PAH: variants seen among roughly 807,000 people sequenced by gnomAD.
The protein encoded by PAH is phenylalanine-4-hydroxylase.
PAH carries 64 observed loss-of-function variants against 62.0 expected under a neutral mutation model. The observed-to-expected ratio is 1.03, with a 90% confidence interval of 0.84 to 1.27. PAH has a LOEUF of 1.27. PAH is among the 50% of genes most tolerant of loss of function. The pLI, the probability that PAH is intolerant of heterozygous loss-of-function variation, is 0.00. For missense variants in PAH, 579 were observed against 542.8 expected, an observed-to-expected ratio of 1.07 and a Z score of -0.66; for synonymous variants, 195 against 196.2, an observed-to-expected ratio of 0.99 and a Z score of 0.05.
intron 1 of PAH, among the ~76,000 whole-genome samples, chr12:102,947,870 A>G (rs1430621040): frequency 6.6e-6 from 1 of 152,168 alleles, no homozygotes. Context: ...GTGGACCCAG[A>G]CTACAGTTCC....
At chr12:102,918,398 G>A (rs1878464540), upstream of PAH, among the ~76,000 whole-genome samples, 1 of 152,056 alleles carries the variant, frequency 6.6e-6, no homozygotes, top group Admixed American at 6.5e-5. Flanking sequence ...AATAAAGGTT[G>A]CTGGAAGCCC....
At chr12:102,920,187 T>C (rs750502906), upstream of PAH, among the ~76,000 whole-genome samples, 1 of 152,262 alleles carries the variant, frequency 6.6e-6, no homozygotes, top group Non-Finnish European at 1.5e-5. Context: ...AAAATTTATT[T>C]ATGCACTAAG....
chr12:102,856,520 C>T (rs7488937), intron 5 of PAH, among the ~76,000 whole-genome samples: 22,632 of 152,180 alleles, frequency 0.15, 2,091 homozygotes, highest in Admixed American at 0.32. Context: ...GATCTGAGAA[C>T]GTACAGACTG....
At chr12:102,892,743 T>A (rs546341219) in intron 3 of PAH, among the ~76,000 whole-genome samples, 28 of 152,194 alleles carry the variant, frequency 1.8e-4, no homozygotes, top group African/African-American at 6.7e-4. Context: ...AAAGCAAAAC[T>A]ATGGAGCTAG....
chr12:102,947,082 T>C (rs1879527767), intron 1 of PAH, among the ~76,000 whole-genome samples: 1 of 152,204 alleles, frequency 6.6e-6, no homozygotes. Flanking sequence ...AAAGCAATGA[T>C]ATAGTAATAG....
intron 3 of PAH, among the ~76,000 whole-genome samples, chr12:102,883,772 G>C (rs1199491445): frequency 1.3e-5 from 2 of 152,138 alleles, no homozygotes; most frequent in Non-Finnish European, 2.9e-5. Flanking sequence ...ACACAGCCAG[G>C]CCAGAGAAGT....
chr12:102,932,006 T>C (rs1483039971), intron 1 of PAH, among the ~76,000 whole-genome samples: 1 of 152,124 alleles, frequency 6.6e-6, no homozygotes, highest in Non-Finnish European at 1.5e-5. Flanking sequence ...TGAATGGCGG[T>C]GTGTGTGCTG....
chr12:102,852,711 T>TGTTTGC, intron 7 of PAH, 104 bp downstream of exon 7: 1 of 1,392,240 alleles, frequency 7.2e-7, no homozygotes, highest in Non-Finnish European at 1.0e-6. Context: ...TCTAGACAAC[T>TGTTTGC]AGTCCTGTGG....
rs1013968856 is a variant in PAH, at chr12:102,846,912, T to C, written c.952A>G (p.Ile318Val). 1 of 1,613,682 alleles carries C rather than the reference T, an allele frequency of 6.2e-7. No individual in the cohort carries two copies. Among genetic ancestry groups the C allele is most frequent in the Non-Finnish European group, 8.5e-7 (1 of 1,179,638 alleles). ...GGACTTACTGTGGCGAGCTTTTCAA[T>C]GTATTCATCAGGTGCACCCAGAGAG... The part of the protein sequence containing the change: ...LASLGAPDEY[I>V]EKLATIYWFT... The change falls in exon 9 of 13, where the codon ATT becomes GTT. Residue 318 changes from isoleucine to valine, a missense_variant. By Grantham distance (29) the Ile-to-Val change is conservative (BLOSUM62 3). Coordinates refer to ENST00000553106, the MANE Select transcript of PAH (RefSeq NM_000277.3).
At chr12:102,954,373 G>A (rs1006623971), upstream of PAH, among the ~76,000 whole-genome samples, 4 of 152,204 alleles carry the variant, frequency 2.6e-5, no homozygotes. Context: ...AGGAAGCCAA[G>A]TGCTGAGGCT....
At chr12:102,889,467 G>A (rs1463042827) in intron 3 of PAH, among the ~76,000 whole-genome samples, 4 of 150,482 alleles carry the variant, frequency 2.7e-5, no homozygotes, top group Admixed American at 1.3e-4. Flanking sequence ...GATGATTGAT[G>A]GACAGATAGA....
At chr12:102,865,644 T>C (rs1875922771) in intron 5 of PAH, among the ~76,000 whole-genome samples, 1 of 152,182 alleles carries the variant, frequency 6.6e-6, no homozygotes, top group Non-Finnish European at 1.5e-5. Context: ...CTTCTGTGAA[T>C]CCTGCTCAGC....
intron 2 of PAH, among the ~76,000 whole-genome samples, chr12:102,905,548 C>T (rs1247149856): frequency 6.6e-6 from 1 of 151,754 alleles, no homozygotes; most frequent in African/African-American, 2.4e-5. Context: ...AATATAAGGC[C>T]GGAGGTTTTA....
upstream of PAH, among the ~76,000 whole-genome samples, chr12:102,919,209 T>C (rs1468270033): frequency 6.6e-6 from 1 of 152,214 alleles, no homozygotes; most frequent in Non-Finnish European, 1.5e-5. Context: ...GCTTTCCTGT[T>C]TGAAATGAGG....
At chr12:102,888,998 C>G (rs1877154194) in intron 3 of PAH, among the ~76,000 whole-genome samples, 1 of 151,834 alleles carries the variant, frequency 6.6e-6, no homozygotes, top group South Asian at 2.1e-4. Context: ...AAAAGCCAAG[C>G]AGAGGAAAGG....
At chr12:102,953,208 CTT>C (rs1879820846), upstream of PAH, 1 of 152,188 alleles carries the variant, frequency 6.6e-6, no homozygotes, top group African/African-American at 2.4e-5. Flanking sequence ...GAGGATTACA[CTT>C]AAAATCCTGT....
intron 4 of PAH, among the ~76,000 whole-genome samples, chr12:102,877,040 T>C (rs750586842): frequency 5.3e-5 from 8 of 152,154 alleles, no homozygotes; most frequent in Non-Finnish European, 1.2e-4. Flanking sequence ...CCGCATCTCC[T>C]ACTCAGTTTT....
chr12:102,912,824 A>G lies in PAH; in HGVS notation c.135T>C (p.Val45=), dbSNP rs773425620. Residue 45 remains valine (V), a synonymous_variant, in exon 2 of 13, where the codon GTT becomes GTC. Transcript: ENST00000553106. ...ISLIFSLKEE[V]GALAKVLRLF... is the part of the protein sequence containing the mutation. ...AGCGCAATACTTTGGCCAATGCACCAACTTCTTCTTTGAGTGAGAAGATCA... is the reference window on the plus strand; with the variant it reads ...AGCGCAATACTTTGGCCAATGCACCGACTTCTTCTTTGAGTGAGAAGATCA... The G allele has an allele frequency of 1.2e-6, 2 of 1,613,614 alleles. No homozygotes were observed. The highest frequency in any genetic ancestry group is 3.3e-5 in the Admixed American group (2 of 60,018).
chr12:102,888,643 T>G (rs1877136526), intron 3 of PAH, among the ~76,000 whole-genome samples: 1 of 151,304 alleles, frequency 6.6e-6, no homozygotes, highest in African/African-American at 2.4e-5. Flanking sequence ...ACCAAGGATA[T>G]GAAGGGACTC....
Sources: allele counts gnomAD v4.1 joint callset (sites outside exome capture counted in the v4.1 genomes callset), GRCh38; gene constraint gnomAD v4.1.1; transcripts MANE v1.5; gene names NCBI Gene and HGNC (gene_info 2026-07-23, HGNC 2026-07-21).